Variants in SUCLG2 observed in about 807,000 individuals in gnomAD.
The protein encoded by SUCLG2 is succinate-CoA ligase GDP-forming subunit beta.
SUCLG2 carries 42 observed loss-of-function variants against 47.9 expected under a neutral mutation model. The ratio of observed to expected loss-of-function variants is 0.88; its 90% CI spans 0.69 to 1.14. The LOEUF is 1.14. Ranked by LOEUF, SUCLG2 falls within the 50% of genes most tolerant of loss-of-function variation. SUCLG2 has a pLI of 0.00. For missense variants in SUCLG2, 571 were observed against 525.9 expected (o/e 1.09, Z -0.84); for synonymous variants, 195 against 197.3 (o/e 0.99, Z 0.10).
At chr3:67,441,821 T>A (rs1459902112) in intron 9 of SUCLG2, among the ~76,000 whole-genome samples, 1 of 152,166 alleles carries the variant, frequency 6.6e-6, no homozygotes, top group Non-Finnish European at 1.5e-5. Context: ...TCCCCACTGC[T>A]GTTAATGAAA....
chr3:67,620,634 C>T (rs1700720403), intron 1 of SUCLG2, among the ~76,000 whole-genome samples: 1 of 142,934 alleles, frequency 7.0e-6, no homozygotes, highest in Admixed American at 6.9e-5. Flanking sequence ...AAGAAAGACA[C>T]ATGATGAGCT....
intron 5 of SUCLG2, among the ~76,000 whole-genome samples, chr3:67,518,899 G>C (rs1222011072): frequency 3.5e-4 from 54 of 152,126 alleles, no homozygotes; most frequent in Non-Finnish European, 1.5e-5. Flanking sequence ...AAACAGCTAG[G>C]TGTTGTTGGT....
intron 1 of SUCLG2, among the ~76,000 whole-genome samples, chr3:67,621,456 T>A (rs1700735509): frequency 6.6e-6 from 1 of 152,190 alleles, no homozygotes; most frequent in Non-Finnish European, 1.5e-5. Flanking sequence ...ACCTCAAATC[T>A]TTTGCCCAAA....
At chr3:67,589,478 A>G (rs896322415) in intron 2 of SUCLG2, among the ~76,000 whole-genome samples, 4 of 152,228 alleles carry the variant, frequency 2.6e-5, no homozygotes, top group East Asian at 1.9e-4. Context: ...AAACAATCCA[A>G]TGGAATCCAA....
intron 9 of SUCLG2, among the ~76,000 whole-genome samples, chr3:67,426,446 G>C (rs975685732): frequency 1.3e-5 from 2 of 152,028 alleles, no homozygotes; most frequent in African/African-American, 4.8e-5. Flanking sequence ...TGAATATGGA[G>C]GACTCTTCCA....
At position 67,508,847 on chromosome 3, in the gene SUCLG2, C is replaced by G. The variant is rs770143306; in HGVS notation, c.717G>C (p.Gln239His). 2 of 1,611,748 alleles carry G rather than the reference C, an allele frequency of 1.2e-6. No homozygotes were observed. The highest frequency in any genetic ancestry group is 1.7e-6 in the Non-Finnish European group (2 of 1,179,326). Residue 239 changes from glutamine (Q) to histidine (H), a missense_variant, in exon 7 of 11, where the codon CAG (glutamine) becomes CAC (histidine). Gln to His is a conservative substitution (Grantham distance 24). Coordinates refer to ENST00000307227, the MANE Select transcript of SUCLG2 (RefSeq NM_003848.4). ...TTTCACCAAAGGGATTCACTTCCAC[C>G]TGAGTAGCATCAATTTTCAGGAAGA... ...YNLFLKIDAT[Q>H]VEVNPFGETP...
At chr3:67,386,813 T>C (rs1304931209) in intron 10 of SUCLG2, among the ~76,000 whole-genome samples, 1 of 152,224 alleles carries the variant, frequency 6.6e-6, no homozygotes, top group African/African-American at 2.4e-5. Flanking sequence ...GTATCATTCT[T>C]GGAACAGCTC....
chr3:67,390,271 T>C (rs561953694), intron 10 of SUCLG2, among the ~76,000 whole-genome samples: 1 of 152,320 alleles, frequency 6.6e-6, no homozygotes, highest in Non-Finnish European at 1.5e-5. Flanking sequence ...TCAGTCTCTC[T>C]AATATGCAGC....
chr3:67,412,840 T>C (rs1346480512), intron 9 of SUCLG2, among the ~76,000 whole-genome samples: 1 of 152,112 alleles, frequency 6.6e-6, no homozygotes, highest in Non-Finnish European at 1.5e-5. Context: ...GTGAGATGAG[T>C]GTGCCATTGT....
At position 67,642,918 on chromosome 3, in the gene SUCLG2, C is replaced by CTGTGTG. The variant is rs3221813; in HGVS notation, c.84+11579_84+11584dup. The stretch of plus-strand genomic sequence containing the variant: ...CAGGCAAGTCCAACAGAAAAGGACT[C>CTGTGTG]TGTGTGTGTGTGTGTGTGTGTGTGT... On this transcript the variant is annotated intron_variant, in intron 1 of 10. Transcript: ENST00000307227. Among the ~76,000 whole-genome samples the CTGTGTG allele has an allele frequency of 6.6e-3, 961 of 146,614 alleles. 10 individuals are homozygous for CTGTGTG. The highest frequency in any genetic ancestry group is 0.017 in the Middle Eastern group (5 of 288).
chr3:67,451,441 G>T (rs1262480972), intron 9 of SUCLG2, among the ~76,000 whole-genome samples: 2 of 152,172 alleles, frequency 1.3e-5, no homozygotes, highest in Non-Finnish European at 2.9e-5. Flanking sequence ...ACAGTTGTCA[G>T]AAAAGAGTGA....
chr3:67,391,708 C>G (rs1702387426), intron 10 of SUCLG2, among the ~76,000 whole-genome samples: 1 of 152,120 alleles, frequency 6.6e-6, no homozygotes. Flanking sequence ...AGAACGGGCC[C>G]TTAGCTGAGT....
rs191397132 is a variant in SUCLG2, at chr3:67,368,694, C to T, written c.1184-7926G>A. Reference sequence around the variant, plus strand: ...AATCTTGGCTCACTGAAACCTCCACCTCCTGGGTTCAAGTGATTCTCCTAC... The same window carrying T: ...AATCTTGGCTCACTGAAACCTCCACTTCCTGGGTTCAAGTGATTCTCCTAC... On this transcript the variant is annotated intron_variant, in intron 10 of 10. Transcript: ENST00000493112. Among the ~76,000 whole-genome samples, 240 of 152,272 alleles carry T rather than the reference C, an allele frequency of 1.6e-3. 1 individual carries two copies. The highest frequency in any genetic ancestry group is 5.5e-3 in the African/African-American group (227 of 41,546).
chr3:67,521,105 A>T (rs906411122), intron 4 of SUCLG2, among the ~76,000 whole-genome samples: 2 of 152,192 alleles, frequency 1.3e-5, no homozygotes, highest in Non-Finnish European at 2.9e-5. Flanking sequence ...TGTCTCTTCG[A>T]TCACTATATT....
intron 1 of SUCLG2, among the ~76,000 whole-genome samples, chr3:67,626,685 C>T (rs866658557): frequency 1.3e-5 from 2 of 152,022 alleles, no homozygotes; most frequent in Admixed American, 1.3e-4. Flanking sequence ...GAGGCCAAAG[C>T]GGGTGAATCA....
At chr3:67,495,608 C>T (rs1377156106) in intron 9 of SUCLG2, among the ~76,000 whole-genome samples, 190 bp downstream of exon 9, 11 of 149,566 alleles carry the variant, frequency 7.4e-5, no homozygotes, top group Non-Finnish European at 1.5e-4. Flanking sequence ...GCCAAGATCG[C>T]GCCACTGTAC....
chr3:67,615,048 C>T (rs1402435575), intron 1 of SUCLG2, among the ~76,000 whole-genome samples: 1 of 151,986 alleles, frequency 6.6e-6, no homozygotes. Context: ...CATTTCTAAG[C>T]TTGGAGGGGA....
At chr3:67,407,617 C>T (rs77285521) in intron 9 of SUCLG2, among the ~76,000 whole-genome samples, 512 of 152,284 alleles carry the variant, frequency 3.4e-3, no homozygotes, top group African/African-American at 0.011. Context: ...TATTTAAAAA[C>T]ACTGTAGCAT....
At chr3:67,628,144 T>C (rs116625891) in intron 1 of SUCLG2, among the ~76,000 whole-genome samples, 4,872 of 152,312 alleles carry the variant, frequency 0.032, 95 homozygotes, top group Middle Eastern at 0.061. Context: ...CATATATAAA[T>C]ACATAGAAAT....
Sources: allele counts gnomAD v4.1 joint callset (sites outside exome capture counted in the v4.1 genomes callset), GRCh38; gene constraint gnomAD v4.1.1; transcripts MANE v1.5; gene names NCBI Gene and HGNC (gene_info 2026-07-23, HGNC 2026-07-21).